The following LARP1 variants were observed in gnomAD, a reference collection of about 807,000 sequenced individuals.
LARP1 encodes the protein la-related protein 1.
In LARP1, 36 loss-of-function variants were observed where a neutral mutation model predicts 122.7. The observed-to-expected ratio is 0.29, with a 90% CI of 0.22 to 0.39. LARP1 has a LOEUF of 0.39. LARP1 is among the 10% of genes least tolerant of loss of function. The probability of loss-of-function intolerance (pLI) is 1.00; values close to 1 mark genes in which losing one functional copy is unlikely to be tolerated. For missense variants in LARP1, 1,040 were observed against 1,403.6 expected (o/e 0.74, Z 4.14); for synonymous variants, 539 against 528.7 (o/e 1.02, Z -0.27).
At chr5:154,725,871 C>T (rs182466291) in intron 1 of LARP1, among the ~76,000 whole-genome samples, 44 of 151,968 alleles carry the variant, frequency 2.9e-4, no homozygotes, top group African/African-American at 9.6e-4. Flanking sequence ...GTTGAAGTCT[C>T]GCTCTGTCAC....
chr5:154,766,417 T>C (rs1754954498), intron 1 of LARP1, among the ~76,000 whole-genome samples: 1 of 152,222 alleles, frequency 6.6e-6, no homozygotes. Context: ...TCCTGAAATG[T>C]GGATCTTGGG....
chr5:154,747,911 C>T (rs1212235450), intron 1 of LARP1, among the ~76,000 whole-genome samples: 1 of 152,082 alleles, frequency 6.6e-6, no homozygotes, highest in Non-Finnish European at 1.5e-5. Context: ...GGTTGGAGTG[C>T]AATGGCATGA....
chr5:154,759,183 C>T (rs1475092707), intron 1 of LARP1, among the ~76,000 whole-genome samples: 8 of 152,042 alleles, frequency 5.3e-5, no homozygotes, highest in Non-Finnish European at 1.2e-4. Flanking sequence ...GATTCACCTG[C>T]CTCATGGGGG....
At position 154,692,994 on chromosome 5, in the gene LARP1, T is replaced by A. The variant is rs570486535; in HGVS notation, c.-180+9957T>A. Among the ~76,000 whole-genome samples the A allele has an allele frequency of 4.9e-4, 74 of 150,050 alleles. 1 individual carries two copies. Among genetic ancestry groups the A allele is most frequent in the Middle Eastern group, 3.5e-3 (1 of 284 alleles). ...CAGCTAATTTTAATTTTTAATTATTTTTTTTTTTTTTGTAGAGACAAAGTC... is the reference window on the plus strand; with the variant it reads ...CAGCTAATTTTAATTTTTAATTATTATTTTTTTTTTTGTAGAGACAAAGTC... On this transcript the variant is annotated intron_variant, in intron 1 of 18. Transcript: ENST00000687700.
intron 1 of LARP1, among the ~76,000 whole-genome samples, chr5:154,788,886 A>C (rs1757097590): frequency 6.6e-6 from 1 of 152,192 alleles, no homozygotes. Flanking sequence ...ATGTGTGTGC[A>C]TGTGCACATT....
chr5:154,695,081 C>T (rs561124731), intron 1 of LARP1, among the ~76,000 whole-genome samples: 6 of 152,022 alleles, frequency 3.9e-5, no homozygotes, highest in Non-Finnish European at 8.8e-5. Context: ...TTTTGGAGGC[C>T]GAGATGGGCG....
intron 1 of LARP1, among the ~76,000 whole-genome samples, chr5:154,739,862 C>T (rs1476472426): frequency 1.3e-5 from 2 of 152,144 alleles, no homozygotes; most frequent in Non-Finnish European, 2.9e-5. Context: ...CTGTCTCCTT[C>T]GCAAACAAAC....
chr5:154,714,374 T>C (rs1217721814), intron 1 of LARP1, among the ~76,000 whole-genome samples: 4 of 152,152 alleles, frequency 2.6e-5, no homozygotes, highest in Admixed American at 6.6e-5. Flanking sequence ...AAAAATACCA[T>C]TTACTGGGAC....
At chr5:154,810,680 T>C (rs1354755109) in intron 16 of LARP1, among the ~76,000 whole-genome samples, 1 of 151,752 alleles carries the variant, frequency 6.6e-6, no homozygotes, top group African/African-American at 2.4e-5. Flanking sequence ...AGAGATGGGG[T>C]TTCACCATGT....
intron 1 of LARP1, among the ~76,000 whole-genome samples, chr5:154,696,583 A>G (rs190213698): frequency 4.6e-5 from 7 of 152,360 alleles, no homozygotes; most frequent in African/African-American, 1.7e-4. Context: ...TATAAGGTAA[A>G]GAAAATACTA....
At chr5:154,784,108 A>T (rs899407751) in intron 1 of LARP1, among the ~76,000 whole-genome samples, 2 of 152,210 alleles carry the variant, frequency 1.3e-5, no homozygotes, top group African/African-American at 4.8e-5. Context: ...CTGAAGGCTA[A>T]GGGTTGAGGC....
At chr5:154,708,419 C>G (rs1755052358), upstream of LARP1, among the ~76,000 whole-genome samples, 5 of 152,118 alleles carry the variant, frequency 3.3e-5, no homozygotes, top group Admixed American at 3.3e-4. Context: ...GACTATTTTT[C>G]TAAAAGAAAT....
At position 154,791,534 on chromosome 5, in the gene LARP1, G is replaced by A. The variant is rs188171264; in HGVS notation, c.564+824G>A. 1.8e-3 allele frequency among the ~76,000 whole-genome samples: 274 copies of A among 152,316 alleles called. 4 individuals carry two copies. In the East Asian group the frequency reaches 0.024, roughly 13 times the overall value. Reference sequence around the variant, plus strand: ...CCCTAGCCTCTGTTTTCTAAACTTAGTGGTTAATAGAATCTGAGCAACATT... The same window carrying A: ...CCCTAGCCTCTGTTTTCTAAACTTAATGGTTAATAGAATCTGAGCAACATT... On this transcript the variant is annotated intron_variant, in intron 3 of 18. Coordinates refer to ENST00000518297, the MANE Select transcript of LARP1 (RefSeq NM_033551.3).
rs1287626398 is a variant in LARP1, at chr5:154,816,529, C to T, written c.*2433C>T. 6.6e-6 allele frequency: 1 copy of T among 152,542 alleles called. No homozygotes were observed. Among genetic ancestry groups the T allele is most frequent in the Non-Finnish European group, 1.5e-5 (1 of 68,096 alleles). The allele number at this position is 152,542 out of a possible 1,614,324, so 9.4% of individuals were successfully genotyped here. A position where few individuals can be genotyped will look rare whatever the true frequency, so the allele number is the denominator to read the frequency against. ...GGTAGGGGAGCTTTTTCTTTTCTTT[C>T]CTTTTTTTTTGTTTTTGTTTTTGTT... On this transcript the variant is annotated 3_prime_UTR_variant, in exon 19 of 19. Coordinates refer to ENST00000518297, the MANE Select transcript of LARP1 (RefSeq NM_033551.3).
rs1023396970 is a variant in LARP1, at chr5:154,802,548, C to T, written c.2109+149C>T. ...TATATGGGAAGGGGATGATGACTGA[C>T]ATCTAGCTTGGGCATTAGGAGTGAG... On this transcript the variant is annotated intron_variant, in intron 11 of 18. Coordinates refer to ENST00000518297, the MANE Select transcript of LARP1 (RefSeq NM_033551.3). The surrounding 1 kb of genome is among the most constrained non-coding windows in gnomAD (Gnocchi z 5.1). 3.2e-5 allele frequency: 31 copies of T among 980,562 alleles called. No homozygotes were observed. In the African/African-American group the frequency reaches 5.1e-4, roughly 16 times the overall value. 60.7% of individuals were successfully genotyped at this position (980,562 alleles called of 1,614,324 possible).
Position 154,814,016 on chromosome 5 carries a change from A to G in LARP1, c.3211A>G (p.Thr1071Ala). The G allele has an allele frequency of 1.2e-6, 2 of 1,613,848 alleles. No homozygotes were observed. Among genetic ancestry groups the G allele is most frequent in the Non-Finnish European group, 1.7e-6 (2 of 1,179,928 alleles). The change falls in exon 19 of 19, where the codon ACA (threonine) becomes GCA (alanine). Residue 1071 changes from threonine to alanine, a missense_variant. Thr to Ala is a moderately conservative substitution (Grantham distance 58). This residue lies in a region of LARP1 where 129 missense variants were observed against 160.8 expected (regional missense o/e 0.80). Coordinates refer to ENST00000518297, the MANE Select transcript of LARP1 (RefSeq NM_033551.3). ...TGCTGCCATGATCAGCCAACCCCCT[A>G]CACCACCCACCGGCCAGCCTGTCCG... The part of the protein sequence containing the change: ...RPAAMISQPP[T>A]PPTGQPVRED...
At chr5:154,756,643 G>A (rs1753943833) in intron 1 of LARP1, 1 of 353,274 alleles carries the variant, frequency 2.8e-6, no homozygotes, top group South Asian at 1.1e-4. Context: ...ATGAGCATAT[G>A]TCACGGGCAA....
upstream of LARP1, among the ~76,000 whole-genome samples, chr5:154,710,419 T>A (rs1185588167): frequency 2.0e-5 from 3 of 151,978 alleles, no homozygotes; most frequent in Non-Finnish European, 4.4e-5. Flanking sequence ...GAAAACCAGC[T>A]TGGTCAATAT....
intron 1 of LARP1, among the ~76,000 whole-genome samples, chr5:154,717,528 A>G (rs1027408483): frequency 1.3e-5 from 2 of 152,190 alleles, no homozygotes; most frequent in Non-Finnish European, 2.9e-5. Flanking sequence ...TCTCCAACAC[A>G]TCTTGGCTAC....
Sources: allele counts gnomAD v4.1 joint callset (sites outside exome capture counted in the v4.1 genomes callset), GRCh38; gene constraint gnomAD v4.1.1; regional missense constraint gnomAD v4.1.1; non-coding constraint Gnocchi (gnomAD v3.1); transcripts MANE v1.5; gene names NCBI Gene and HGNC (gene_info 2026-07-23, HGNC 2026-07-21).